Variants in ROBO1 observed in about 807,000 individuals in gnomAD.
ROBO1 encodes roundabout homolog 1.
Under a neutral mutation model 195.9 loss-of-function variants are expected in ROBO1, and 149 were observed. The observed-to-expected ratio is 0.76, with a 90% confidence interval of 0.67 to 0.87. The LOEUF is 0.87. ROBO1 is among the 40% of genes least tolerant of loss of function. ROBO1 has a pLI of 0.00. For missense variants in ROBO1, 1,933 were observed against 2,068.3 expected (o/e 0.93, Z 1.27); for synonymous variants, 816 against 733.2 (o/e 1.11, Z -1.82).
chr3:78,643,907 T>C (rs984711616), intron 21 of ROBO1, among the ~76,000 whole-genome samples: 3 of 151,970 alleles, frequency 2.0e-5, no homozygotes, highest in Non-Finnish European at 2.9e-5. Flanking sequence ...AGAGACAGCA[T>C]CAACAAAATG....
intron 2 of ROBO1, among the ~76,000 whole-genome samples, chr3:79,389,967 C>A (rs377038923): frequency 2.2e-3 from 330 of 151,968 alleles, no homozygotes; most frequent in African/African-American, 7.6e-3. Flanking sequence ...GGATGATACT[C>A]AGAGCACAAG....
intron 1 of ROBO1, among the ~76,000 whole-genome samples, chr3:79,756,793 A>G (rs1364516290): frequency 6.6e-6 from 1 of 152,134 alleles, no homozygotes; most frequent in Non-Finnish European, 1.5e-5. Flanking sequence ...CTCTGTATTC[A>G]TTAAACAATA....
chr3:78,714,595 A>G, intron 7 of ROBO1, 71 bp from the exon 8 acceptor site: 7 of 1,402,728 alleles, frequency 5.0e-6, no homozygotes, highest in Non-Finnish European at 6.8e-6. Flanking sequence ...TATACACACA[A>G]TGCTTCAAAG....
intron 2 of ROBO1, among the ~76,000 whole-genome samples, chr3:79,345,700 A>G (rs1043286681): frequency 1.3e-5 from 2 of 152,100 alleles, no homozygotes; most frequent in African/African-American, 4.8e-5. Context: ...AGCTTGAGTG[A>G]CTGAATGCCT....
intron 1 of ROBO1, among the ~76,000 whole-genome samples, chr3:79,629,747 A>G (rs1945283718): frequency 6.6e-6 from 1 of 152,038 alleles, no homozygotes; most frequent in South Asian, 2.1e-4. Flanking sequence ...CCACTAGCTA[A>G]ATCAAGCAAG....
chr3:78,723,961 T>C (rs1306413937), intron 5 of ROBO1, among the ~76,000 whole-genome samples: 1 of 152,128 alleles, frequency 6.6e-6, no homozygotes, highest in African/African-American at 2.4e-5. Flanking sequence ...AATTTCATTA[T>C]AAAATACAAC....
intron 2 of ROBO1, among the ~76,000 whole-genome samples, chr3:79,173,999 G>A (rs1192058378): frequency 2.0e-5 from 3 of 152,000 alleles, no homozygotes; most frequent in Non-Finnish European, 4.4e-5. Context: ...GATTGCAAAC[G>A]CACCAATCAG....
At chr3:79,507,276 A>C (rs1940450196) in intron 2 of ROBO1, among the ~76,000 whole-genome samples, 1 of 152,182 alleles carries the variant, frequency 6.6e-6, no homozygotes, top group African/African-American at 2.4e-5. Flanking sequence ...ATGCCTACCA[A>C]GGTGTCTACA....
intron 2 of ROBO1, among the ~76,000 whole-genome samples, chr3:79,311,914 T>A (rs989533375): frequency 6.6e-6 from 1 of 152,130 alleles, no homozygotes; most frequent in Non-Finnish European, 1.5e-5. Context: ...CCTAAAAGTG[T>A]CTACAGGTCT....
intron 1 of ROBO1, among the ~76,000 whole-genome samples, chr3:79,730,768 C>CTTTTTTT (rs66527491): frequency 4.2e-5 from 4 of 95,520 alleles, no homozygotes; most frequent in Non-Finnish European, 6.2e-5. Context: ...CCTGTATTTC[C>CTTTTTTT]TTTTTTTTTT....
intron 3 of ROBO1, among the ~76,000 whole-genome samples, chr3:78,947,258 A>G (rs941464906): frequency 6.6e-6 from 1 of 152,184 alleles, no homozygotes; most frequent in African/African-American, 2.4e-5. Flanking sequence ...TCCAAAACTG[A>G]CCACATAGTA....
At chr3:78,892,008 C>A (rs749009509) in intron 4 of ROBO1, among the ~76,000 whole-genome samples, 19 of 152,156 alleles carry the variant, frequency 1.2e-4, no homozygotes, top group Non-Finnish European at 2.2e-4. Flanking sequence ...TGTGGTTACA[C>A]GGGTTTGTGA....
chr3:79,612,023 C>CT (rs956451788), intron 1 of ROBO1, among the ~76,000 whole-genome samples: 40 of 131,244 alleles, frequency 3.0e-4, no homozygotes, highest in African/African-American at 9.3e-4. Context: ...TGACTATTAT[C>CT]TTTTTTTTTA....
chr3:79,629,471 A>T (rs1325041071), intron 1 of ROBO1, among the ~76,000 whole-genome samples: 1 of 152,046 alleles, frequency 6.6e-6, no homozygotes, highest in Non-Finnish European at 1.5e-5. Flanking sequence ...ACATACCGAA[A>T]CCTCGGGGAT....
chr3:79,339,915 T>A (rs1373220598), intron 2 of ROBO1, among the ~76,000 whole-genome samples: 2 of 152,228 alleles, frequency 1.3e-5, no homozygotes, highest in African/African-American at 4.8e-5. Context: ...GTCTGGAATA[T>A]TTCTGGCTCT....
At chr3:79,568,537 G>T in intron 2 of ROBO1, among the ~76,000 whole-genome samples, 1 of 143,234 alleles carries the variant, frequency 7.0e-6, no homozygotes, top group African/African-American at 2.6e-5. Context: ...TGGGACGCTT[G>T]CCTTCTCTTT....
chr3:78,839,588 C>T (rs1182777979), intron 4 of ROBO1, among the ~76,000 whole-genome samples: 1 of 151,808 alleles, frequency 6.6e-6, no homozygotes, highest in East Asian at 1.9e-4. Flanking sequence ...AAAACAAAAT[C>T]GTTTAGAATT....
chr3:78,696,457 T>C lies in ROBO1; in HGVS notation c.1046-7685A>G, dbSNP rs574960112. ...TATCAAGGTCACAGGGGGTTCACCATAGACTGGCTTCTAGGCCTCCTGACA... is the reference window on the plus strand; with the variant it reads ...TATCAAGGTCACAGGGGGTTCACCACAGACTGGCTTCTAGGCCTCCTGACA... On this transcript the variant is annotated intron_variant, in intron 8 of 30. Transcript: ENST00000464233. 1.1e-4 allele frequency among the ~76,000 whole-genome samples: 16 copies of C among 152,200 alleles called. No individual in the cohort carries two copies. In the East Asian group the frequency reaches 1.2e-3, roughly 11 times the overall value.
chr3:78,799,549 G>A (rs1304202635), intron 4 of ROBO1, among the ~76,000 whole-genome samples: 1 of 151,984 alleles, frequency 6.6e-6, no homozygotes, highest in African/African-American at 2.4e-5. Flanking sequence ...CACCGTGTTA[G>A]CCAGGATGGT....
Sources: gnomAD v4.1 joint callset for allele counts (sites outside exome capture counted in the v4.1 genomes callset) on GRCh38, gnomAD v4.1.1 for gene constraint, MANE v1.5 for transcripts, NCBI Gene and HGNC (gene_info 2026-07-23, HGNC 2026-07-21) for gene names.